Variants in ESRRG observed in about 807,000 individuals in gnomAD.
The protein encoded by ESRRG is estrogen-related receptor gamma.
Under a neutral mutation model 44.0 loss-of-function variants are expected in ESRRG, and 13 were observed. The observed-to-expected ratio is 0.30, with a 90% CI of 0.19 to 0.47. The LOEUF (loss-of-function observed/expected upper bound fraction) is 0.47. Among genes scored for constraint, ESRRG ranks in the 20% least tolerant of loss-of-function variants. The pLI is 1.00. For synonymous variants in ESRRG, 215 were observed against 214.6 expected, an observed-to-expected ratio of 1.00 and a Z score of -0.02; for missense variants, 395 against 580.6, an observed-to-expected ratio of 0.68 and a Z score of 3.29.
chr1:216,511,656 C>A (rs1044747903), intron 6 of ESRRG, among the ~76,000 whole-genome samples: 2 of 151,288 alleles, frequency 1.3e-5, no homozygotes, highest in African/African-American at 4.9e-5. Flanking sequence ...AATGGCCAAC[C>A]CTGGAAGGCA....
intron 3 of ESRRG, among the ~76,000 whole-genome samples, chr1:216,606,706 G>A (rs1001938797): frequency 1.3e-5 from 2 of 152,140 alleles, no homozygotes; most frequent in Non-Finnish European, 2.9e-5. Flanking sequence ...TTATTTGAAA[G>A]CAATGGTGTA....
intron 5 of ESRRG, among the ~76,000 whole-genome samples, chr1:216,537,412 C>T (rs1435493378): frequency 6.6e-6 from 1 of 152,002 alleles, no homozygotes; most frequent in African/African-American, 2.4e-5. Context: ...GTCGTAACAG[C>T]CCAAACGGAC....
At chr1:216,623,904 G>A in intron 3 of ESRRG, among the ~76,000 whole-genome samples, 1 of 151,972 alleles carries the variant, frequency 6.6e-6, no homozygotes, top group East Asian at 1.9e-4. Flanking sequence ...GATATTGATT[G>A]CACTCAAGGG....
At position 216,523,490 on chromosome 1, in the gene ESRRG, G is replaced by GT. The variant is rs749747909; in HGVS notation, c.863-4070dup. The stretch of plus-strand genomic sequence containing the variant: ...GTGCCATGGGCACTCATCAAGCACT[G>GT]TTTTTTTTTTTGTTTTTTTTTTTTT... On this transcript the variant is annotated intron_variant, in intron 5 of 6. Coordinates refer to ENST00000408911, the MANE Select transcript of ESRRG (RefSeq NM_001438.4). 4.8e-3 allele frequency among the ~76,000 whole-genome samples: 601 copies of GT among 126,314 alleles called. 16 individuals carry two copies. Among genetic ancestry groups the GT allele is most frequent in the Non-Finnish European group, 6.5e-3 (394 of 60,188 alleles). 82.9% of individuals were successfully genotyped at this position (126,314 alleles called of 152,430 possible).
At chr1:216,541,236 A>C (rs1011951694) in intron 5 of ESRRG, among the ~76,000 whole-genome samples, 11 of 152,044 alleles carry the variant, frequency 7.2e-5, no homozygotes, top group African/African-American at 2.4e-4. Context: ...GATCTTTTTC[A>C]TGATATTTTA....
At chr1:216,766,986 G>A (rs1282149444) in intron 2 of ESRRG, among the ~76,000 whole-genome samples, 1 of 152,016 alleles carries the variant, frequency 6.6e-6, no homozygotes, top group Non-Finnish European at 1.5e-5. Context: ...GATGAAGCTC[G>A]AATCATTTAT....
rs186089332 is a variant in ESRRG, at chr1:217,039,041, C to T, written c.-106+50466G>A. On this transcript the variant is annotated intron_variant, in intron 1 of 7. Transcript: ENST00000359162. ...GGACAAAATGTTGCCAGTCTCTTTG[C>T]TAAAACAGAAAAAGAGTCACGTTTG... 3.0e-3 allele frequency among the ~76,000 whole-genome samples: 458 copies of T among 151,946 alleles called. 5 individuals are homozygous for T. Among genetic ancestry groups the T allele is most frequent in the Admixed American group, 0.026 (400 of 15,280 alleles).
At chr1:217,081,223 T>C (rs1424127817) in intron 1 of ESRRG, among the ~76,000 whole-genome samples, 5 of 119,438 alleles carry the variant, frequency 4.2e-5, no homozygotes, top group African/African-American at 1.6e-4. Context: ...AAAATATTCT[T>C]TTTTTTTTTT....
chr1:216,981,646 G>A (rs2073993644), intron 1 of ESRRG, among the ~76,000 whole-genome samples: 1 of 151,982 alleles, frequency 6.6e-6, no homozygotes, highest in Admixed American at 6.6e-5. Context: ...AGTTACTTAT[G>A]CTATAATTTT....
intron 1 of ESRRG, among the ~76,000 whole-genome samples, chr1:217,009,441 C>T (rs1177987589): frequency 2.0e-5 from 3 of 152,268 alleles, no homozygotes; most frequent in East Asian, 3.9e-4. Flanking sequence ...CCAAGTCATT[C>T]AAATAAGCTC....
At chr1:217,075,594 C>CA (rs2091186931) in intron 1 of ESRRG, among the ~76,000 whole-genome samples, 2 of 148,542 alleles carry the variant, frequency 1.3e-5, no homozygotes, top group African/African-American at 4.9e-5. Flanking sequence ...TCCTTTCCCC[C>CA]CCCCAACATT....
chr1:217,077,047 T>C (rs2091365856), intron 1 of ESRRG: 1 of 152,242 alleles, frequency 6.6e-6, no homozygotes, highest in Admixed American at 6.5e-5. Flanking sequence ...CCAAATCACA[T>C]GACCTTTTAC....
chr1:217,113,986 T>G (rs534663394), intron 1 of ESRRG, among the ~76,000 whole-genome samples: 1 of 151,880 alleles, frequency 6.6e-6, no homozygotes, highest in East Asian at 1.9e-4. Context: ...GAAACAGAGT[T>G]AGACCATGTT....
At chr1:216,878,299 T>G (rs1293882204) in intron 2 of ESRRG, among the ~76,000 whole-genome samples, 2 of 152,184 alleles carry the variant, frequency 1.3e-5, no homozygotes, top group South Asian at 4.1e-4. Flanking sequence ...TTTGCAGGCT[T>G]CTTTTTATAC....
chr1:216,564,393 A>G lies in ESRRG; in HGVS notation c.701-13T>C. ...ACAATCTTGTTATCTGCAGGATCAGACCAGAGCACTACAAGATCACTAGTA... is the reference window on the plus strand; with the variant it reads ...ACAATCTTGTTATCTGCAGGATCAGGCCAGAGCACTACAAGATCACTAGTA... On this transcript the variant is annotated splice_polypyrimidine_tract_variant and intron_variant, in intron 4 of 6. Coordinates refer to ENST00000408911, the MANE Select transcript of ESRRG (RefSeq NM_001438.4). 6.3e-7 allele frequency: 1 copy of G among 1,598,218 alleles called. No individual in the cohort carries two copies. The highest frequency in any genetic ancestry group is 8.5e-7 in the Non-Finnish European group (1 of 1,173,210).
intron 2 of ESRRG, among the ~76,000 whole-genome samples, chr1:216,793,434 G>C (rs2094381220): frequency 6.6e-6 from 1 of 152,070 alleles, no homozygotes; most frequent in Non-Finnish European, 1.5e-5. Context: ...ATTTGCTTTG[G>C]GGGAAGCCAG....
chr1:216,905,768 G>A (rs1207185780), intron 2 of ESRRG, among the ~76,000 whole-genome samples: 1 of 151,920 alleles, frequency 6.6e-6, no homozygotes, highest in Non-Finnish European at 1.5e-5. Context: ...TTTTGAAACA[G>A]GGTCTCACTT....
At chr1:216,548,009 C>T (rs2149350275) in intron 5 of ESRRG, among the ~76,000 whole-genome samples, 1 of 152,076 alleles carries the variant, frequency 6.6e-6, no homozygotes. Context: ...TATGGGGTTC[C>T]TTGAGCTACG....
At chr1:216,821,575 C>T (rs1259485224) in intron 2 of ESRRG, among the ~76,000 whole-genome samples, 1 of 151,100 alleles carries the variant, frequency 6.6e-6, no homozygotes, top group Non-Finnish European at 1.5e-5. Flanking sequence ...GTCCCAGCTA[C>T]TCAGGAGGCT....
Sources: gnomAD v4.1 joint callset for allele counts (sites outside exome capture counted in the v4.1 genomes callset) on GRCh38, gnomAD v4.1.1 for gene constraint, MANE v1.5 for transcripts, NCBI Gene and HGNC (gene_info 2026-07-23, HGNC 2026-07-21) for gene names.